Variants in PGK1 observed in about 807,000 individuals in gnomAD.
PGK1 encodes the protein PRP 2.
PGK1 carries 3 observed loss-of-function variants against 26.9 expected under a neutral mutation model. That is an observed-to-expected ratio of 0.11 (90% CI 0.05 to 0.29). PGK1 has a LOEUF of 0.29. Among genes scored for constraint, PGK1 ranks in the 10% least tolerant of loss-of-function variants. PGK1 has a pLI of 1.00. For missense variants in PGK1, 270 were observed against 314.7 expected, an observed-to-expected ratio of 0.86 and a Z score of 1.07; for synonymous variants, 125 against 115.3, an observed-to-expected ratio of 1.08 and a Z score of -0.54.
At chrX:78,107,130 T>C (rs1427423194) in intron 1 of PGK1, among the ~76,000 whole-genome samples, 3 of 111,661 alleles carry the variant, frequency 2.7e-5, no homozygotes, top group African/African-American at 9.8e-5. Flanking sequence ...TCAGTATATT[T>C]TTTAATGTTT....
intron 6 of PGK1, 115 bp downstream of exon 6, chrX:78,118,285 A>T: frequency 1.2e-6 from 1 of 818,454 alleles, no homozygotes; most frequent in Non-Finnish European, 1.8e-6. Context: ...AGGAGAATTT[A>T]ATAAAGGAAC....
chrX:78,108,080 G>T (rs139153614), intron 1 of PGK1, among the ~76,000 whole-genome samples: 1,834 of 111,974 alleles, frequency 0.016, 23 homozygotes, highest in Non-Finnish European at 0.026. Context: ...CAGAGCTGTT[G>T]TGAGTGTAGG....
At position 78,121,560 on chromosome X, in the gene PGK1, G is replaced by C. The variant is rs1312139483; in HGVS notation, c.642-1275G>C. 3.6e-5 allele frequency among the ~76,000 whole-genome samples: 4 copies of C among 112,288 alleles called. No individual in the cohort carries two copies. The Admixed American group carries it at 3.8e-4, about 11-fold the overall frequency. On this transcript the variant is annotated intron_variant, in intron 6 of 10. Coordinates refer to ENST00000373316, the MANE Select transcript of PGK1 (RefSeq NM_000291.4). ...TCCTTTTCACAAATCCTAGCATAGGGTTTCTCACTGGATAGGCATTATCTT... is the reference window on the plus strand; with the variant it reads ...TCCTTTTCACAAATCCTAGCATAGGCTTTCTCACTGGATAGGCATTATCTT...
At chrX:78,116,333 C>T (rs1010703569) in intron 4 of PGK1, among the ~76,000 whole-genome samples, 43 of 112,241 alleles carry the variant, frequency 3.8e-4, no homozygotes, top group African/African-American at 1.3e-3. Context: ...CTTCCAATCA[C>T]TAGTGGCAGA....
At chrX:78,106,339 G>T in intron 1 of PGK1, 4 of 678,986 alleles carry the variant, frequency 5.9e-6, no homozygotes, top group Non-Finnish European at 7.0e-6. Context: ...CCAAGGATAC[G>T]TTGAAATAGA....
Position 78,104,324 on chromosome X carries a change from C to A in PGK1, c.-17C>A. On this transcript the variant is annotated 5_prime_UTR_variant, in exon 1 of 11. Coordinates refer to ENST00000373316, the MANE Select transcript of PGK1 (RefSeq NM_000291.4). ...TTGACCGAATCACCGACCTCTCTCC[C>A]CAGCTGTATTTCCAAAATGTCGCTT... 8.5e-7 allele frequency: 1 copy of A among 1,173,646 alleles called. No homozygotes were observed. Among genetic ancestry groups the A allele is most frequent in the East Asian group, 3.0e-5 (1 of 33,678 alleles).
intron 8 of PGK1, among the ~76,000 whole-genome samples, chrX:78,124,626 C>T (rs1264438525): frequency 8.9e-6 from 1 of 111,946 alleles, no homozygotes; most frequent in East Asian, 2.8e-4. Flanking sequence ...ATCTAGTTTT[C>T]ACTAACATAA....
Position 78,125,678 on chromosome X carries a change from C to CT in PGK1, c.1214-112_1214-111insT. On this transcript the variant is annotated intron_variant, in intron 10 of 10. Transcript: ENST00000373316. The stretch of plus-strand genomic sequence containing the variant: ...ATGTAAAAGTTGGCCAGCTCCTGGC[C>CT]ATATATCCTAAAAAAGAGCTGGCAT... 3 of 724,343 alleles carry CT rather than the reference C, an allele frequency of 4.1e-6. No individual in the cohort carries two copies. The South Asian group carries it at 6.3e-5, about 15-fold the overall frequency. The allele number at this position is 724,343 out of a possible 1,213,427, so 59.7% of individuals were successfully genotyped here.
rs1300569358 is a variant in PGK1, at chrX:78,129,258, T to TATCTATCTA, written c.*3432_*3433insATCTAATCT. The TATCTATCTA allele has an allele frequency of 1.8e-5, 2 of 111,242 alleles. No individual in the cohort carries two copies. 9.2% of individuals were successfully genotyped at this position (111,242 alleles called of 1,213,427 possible). On this transcript the variant is annotated 3_prime_UTR_variant, in exon 11 of 11. Transcript: ENST00000373316. Reference sequence around the variant, plus strand: ...CTATCTATCTATCTATCTATCTATCTATCTGTATATAGATATATTAAAATG... The same window carrying TATCTATCTA: ...CTATCTATCTATCTATCTATCTATCTATCTATCTAATCTGTATATAGATATATTAAAATG...
rs782769426 is a variant in PGK1, at chrX:78,123,438, T to C, written c.936+64T>C. 9.0e-5 allele frequency: 79 copies of C among 881,274 alleles called. No homozygotes were observed. The African/African-American group carries it at 1.5e-3, about 17-fold the overall frequency. 72.6% of individuals were successfully genotyped at this position (881,274 alleles called of 1,213,427 possible). ...AAACTCTGTGGTGTCATTTATTCAT[T>C]GATTCAGCCAATCAACAAGCATTTT... is the stretch of plus-strand genomic sequence containing the variant. On this transcript the variant is annotated intron_variant, in intron 8 of 10. Coordinates refer to ENST00000373316, the MANE Select transcript of PGK1 (RefSeq NM_000291.4).
chrX:78,122,600 T>G (rs1269968352), intron 6 of PGK1, among the ~76,000 whole-genome samples: 1 of 110,463 alleles, frequency 9.1e-6, no homozygotes, highest in East Asian at 2.8e-4. Context: ...TGATGGTAAG[T>G]GGGGTGAGGA....
chrX:78,108,120 G>T (rs2078280984), intron 1 of PGK1, among the ~76,000 whole-genome samples: 1 of 111,814 alleles, frequency 8.9e-6, no homozygotes, highest in African/African-American at 3.3e-5. Context: ...AGAGGGCATT[G>T]AGGAGAGAGT....
rs1383242069 is a variant in PGK1, at chrX:78,126,731, C to G, written c.*901C>G. Reference sequence around the variant, plus strand: ...ATATATTTCCACTTCTTCATTCTCTCGGTATAGTTTTGTCACAATTATAGA... The same window carrying G: ...ATATATTTCCACTTCTTCATTCTCTGGGTATAGTTTTGTCACAATTATAGA... On this transcript the variant is annotated 3_prime_UTR_variant, in exon 11 of 11. Transcript: ENST00000373316. 1.8e-5 allele frequency: 2 copies of G among 110,918 alleles called. No individual in the cohort carries two copies. Among genetic ancestry groups the G allele is most frequent in the African/African-American group, 6.6e-5 (2 of 30,452 alleles). 9.1% of individuals were successfully genotyped at this position (110,918 alleles called of 1,213,427 possible). A position where few individuals can be genotyped will look rare whatever the true frequency, so the allele number is the denominator to read the frequency against.
intron 7 of PGK1, 42 bp from the exon 8 acceptor site, chrX:78,123,153 A>C: frequency 9.5e-7 from 1 of 1,047,575 alleles, no homozygotes; most frequent in Non-Finnish European, 1.3e-6. Context: ...TCTTGTTCTT[A>C]GTATAGATGC....
At chrX:78,120,384 AAAGTG>A (rs1241314730) in intron 6 of PGK1, among the ~76,000 whole-genome samples, 7 of 111,013 alleles carry the variant, frequency 6.3e-5, no homozygotes, top group African/African-American at 2.3e-4. Flanking sequence ...TATTCCTGAC[AAAGTG>A]AATACAAGTG....
chrX:78,108,033 GT>G (rs1462317627), intron 1 of PGK1, among the ~76,000 whole-genome samples: 1 of 111,367 alleles, frequency 9.0e-6, no homozygotes, highest in East Asian at 2.8e-4. Flanking sequence ...GGCAAGAGCA[GT>G]TCCTGTGTTG....
At chrX:78,123,429 T>C (rs1171554646) in intron 8 of PGK1, 55 bp downstream of exon 8, 1 of 928,197 alleles carries the variant, frequency 1.1e-6, no homozygotes, top group Non-Finnish European at 1.6e-6. Context: ...TGTGGTGTCA[T>C]TTATTCATTG....
At chrX:78,110,480 A>T (rs1042741683) in intron 2 of PGK1, among the ~76,000 whole-genome samples, 2 of 109,942 alleles carry the variant, frequency 1.8e-5, no homozygotes, top group Non-Finnish European at 3.8e-5. Flanking sequence ...TTTTTAAAGA[A>T]TATAAAAGTT....
At chrX:78,107,714 T>C (rs1262711262) in intron 1 of PGK1, among the ~76,000 whole-genome samples, 5 of 111,571 alleles carry the variant, frequency 4.5e-5, no homozygotes, top group African/African-American at 1.6e-4. Flanking sequence ...CAAGTCTTGG[T>C]ATGGACATAC....
Sources: gnomAD v4.1 joint callset for allele counts (sites outside exome capture counted in the v4.1 genomes callset) on GRCh38, gnomAD v4.1.1 for gene constraint, MANE v1.5 for transcripts, NCBI Gene and HGNC (gene_info 2026-07-23, HGNC 2026-07-21) for gene names.